MAF: variants seen among roughly 807,000 people sequenced by gnomAD.
MAF encodes MAF bZIP transcription factor, also known as transcription factor Maf.
MAF carries 10 observed loss-of-function variants against 22.0 expected under a neutral mutation model. The observed-to-expected ratio is 0.45, with a 90% CI of 0.28 to 0.77. MAF has a LOEUF of 0.77. Ranked by LOEUF, MAF falls within the 30% of genes least tolerant of loss-of-function variation. MAF has a pLI of 0.12. For missense variants in MAF, 544 were observed against 548.4 expected, an observed-to-expected ratio of 0.99 and a Z score of 0.08; for synonymous variants, 337 against 255.8, an observed-to-expected ratio of 1.32 and a Z score of -3.03.
the MAF span, among the ~76,000 whole-genome samples, chr16:79,304,018 G>A: frequency 2.1e-3 from 326 of 152,324 alleles, 1 homozygote; most frequent in African/African-American, 7.0e-3. Flanking sequence ...GAAATAAGGC[G>A]AAAGCATATG....
the MAF span, among the ~76,000 whole-genome samples, chr16:79,393,083 C>A: frequency 6.6e-6 from 1 of 152,208 alleles, no homozygotes; most frequent in Non-Finnish European, 1.5e-5. Context: ...CCTTTGCTCC[C>A]GTCTCCCTGG....
the MAF span, among the ~76,000 whole-genome samples, chr16:79,308,867 C>T: frequency 6.6e-6 from 1 of 152,268 alleles, no homozygotes; most frequent in African/African-American, 2.4e-5. Flanking sequence ...TCCTAACGCC[C>T]AGAAATGGGA....
At chr16:79,380,454 G>C in the MAF span, among the ~76,000 whole-genome samples, 1 of 152,234 alleles carries the variant, frequency 6.6e-6, no homozygotes, top group Non-Finnish European at 1.5e-5. Context: ...TACAGTGTGA[G>C]AGAGGTATTA....
At chr16:79,469,152 C>T in the MAF span, among the ~76,000 whole-genome samples, 54 of 152,186 alleles carry the variant, frequency 3.5e-4, no homozygotes, top group African/African-American at 1.3e-3. Context: ...ATCCAGCCCA[C>T]TGCCCATTTT....
chr16:79,234,975 C>A, the MAF span, among the ~76,000 whole-genome samples: 1 of 152,084 alleles, frequency 6.6e-6, no homozygotes, highest in Non-Finnish European at 1.5e-5. Context: ...GACCACTGGT[C>A]CAAGGAAGAC....
chr16:79,542,083 C>A, the MAF span, among the ~76,000 whole-genome samples: 2 of 152,180 alleles, frequency 1.3e-5, no homozygotes. Context: ...TGACTCCAAG[C>A]GTTTCAGTCT....
At chr16:79,205,782 C>CT in the MAF span, 1 of 152,106 alleles carries the variant, frequency 6.6e-6, no homozygotes, top group African/African-American at 2.4e-5. Flanking sequence ...GTAGGAATGA[C>CT]TGTGTTAGGA....
rs1268493730 is a variant in MAF at position 79,599,648 on chromosome 16, C to T, written c.255G>A (p.Lys85=). Residue 85 remains lysine (K), a synonymous_variant, in exon 1 of 2, where the codon AAG becomes AAA. Coordinates refer to ENST00000326043, the MANE Select transcript of MAF (RefSeq NM_005360.5). ...APSPGSGSEQ[K]AHLEDYYWMT... is the part of the protein sequence containing the mutation. The stretch of plus-strand genomic sequence containing the variant: ...TCCAGTAGTAGTCTTCCAGGTGCGC[C>T]TTCTGCTCGCTGCCCGAGCCCGGGC... The T allele has an allele frequency of 6.2e-7, 1 of 1,611,908 alleles. No individual in the cohort carries two copies. The highest frequency in any genetic ancestry group is 1.3e-5 in the African/African-American group (1 of 75,030).
the MAF span, among the ~76,000 whole-genome samples, chr16:79,276,114 C>G: frequency 3.4e-4 from 52 of 151,470 alleles, no homozygotes; most frequent in African/African-American, 1.2e-3. Flanking sequence ...TCATTCCATC[C>G]TGGGGACAGA....
the MAF span, among the ~76,000 whole-genome samples, chr16:79,402,304 G>C: frequency 6.6e-6 from 1 of 152,300 alleles, no homozygotes; most frequent in Middle Eastern, 3.4e-3. Flanking sequence ...TGTTACCCAG[G>C]GTTTAAACCC....
chr16:79,568,656 G>A, the MAF span, among the ~76,000 whole-genome samples: 1 of 152,138 alleles, frequency 6.6e-6, no homozygotes, highest in African/African-American at 2.4e-5. Context: ...CTAAATAGTT[G>A]CTGTTATTTT....
chr16:79,303,080 G>A, the MAF span, among the ~76,000 whole-genome samples: 86 of 152,262 alleles, frequency 5.6e-4, 1 homozygote, highest in Non-Finnish European at 9.4e-4. Context: ...CAACACAAGC[G>A]TGTAATCTGT....
At chr16:79,492,167 T>C in the MAF span, among the ~76,000 whole-genome samples, 1 of 152,190 alleles carries the variant, frequency 6.6e-6, no homozygotes, top group Non-Finnish European at 1.5e-5. Flanking sequence ...CCTAACGGTC[T>C]GCTCAAGCCA....
the MAF span, among the ~76,000 whole-genome samples, chr16:79,309,059 GC>G: frequency 6.6e-6 from 1 of 152,156 alleles, no homozygotes. Context: ...CTCTAATCTG[GC>G]CCTGGGCGCA....
the MAF span, among the ~76,000 whole-genome samples, chr16:79,215,614 A>T: frequency 2.0e-5 from 3 of 152,160 alleles, no homozygotes; most frequent in Non-Finnish European, 4.4e-5. Flanking sequence ...TCACATCTGC[A>T]GGCTGACAAC....
chr16:79,216,398 C>CATG, the MAF span, among the ~76,000 whole-genome samples: 1 of 152,198 alleles, frequency 6.6e-6, no homozygotes, highest in African/African-American at 2.4e-5. Context: ...ATCCCTAACT[C>CATG]ATGATGGTTT....
chr16:79,209,719 G>C, the MAF span, among the ~76,000 whole-genome samples: 1 of 152,170 alleles, frequency 6.6e-6, no homozygotes, highest in Non-Finnish European at 1.5e-5. Flanking sequence ...TGAGTTAGCT[G>C]GATGAGCATC....
the MAF span, among the ~76,000 whole-genome samples, chr16:79,463,945 A>G: frequency 6.8e-6 from 1 of 147,548 alleles, no homozygotes; most frequent in Admixed American, 7.1e-5. Context: ...GTTAGGAGAC[A>G]AAACCCTGGA....
At chr16:79,395,526 A>T in the MAF span, among the ~76,000 whole-genome samples, 1 of 152,166 alleles carries the variant, frequency 6.6e-6, no homozygotes, top group Non-Finnish European at 1.5e-5. Context: ...AGACTGTGGA[A>T]GACACAGAGA....
Sources: gnomAD v4.1 joint callset for allele counts (sites outside exome capture counted in the v4.1 genomes callset) on GRCh38, gnomAD v4.1.1 for gene constraint, MANE v1.5 for transcripts, NCBI Gene and HGNC (gene_info 2026-07-23, HGNC 2026-07-21) for gene names.